Variants in PPP1R2 observed in about 807,000 individuals in gnomAD.
The protein encoded by PPP1R2 is protein phosphatase inhibitor 2.
In PPP1R2, 16 loss-of-function variants were observed where a neutral mutation model predicts 29.9. The observed-to-expected ratio is 0.53, with a 90% CI of 0.36 to 0.81. PPP1R2 has a LOEUF of 0.81. PPP1R2 is among the 30% of genes least tolerant of loss of function. PPP1R2 has a pLI of 0.00. For synonymous variants in PPP1R2, 76 were observed against 91.5 expected, an observed-to-expected ratio of 0.83 and a Z score of 0.96; for missense variants, 197 against 252.7, an observed-to-expected ratio of 0.78 and a Z score of 1.49.
chr3:195,527,485 C>G (rs1719016203), intron 2 of PPP1R2, among the ~76,000 whole-genome samples: 1 of 151,840 alleles, frequency 6.6e-6, no homozygotes, highest in African/African-American at 2.4e-5. Context: ...AAACAGCATT[C>G]TTTGGGAGGC....
At chr3:195,525,995 TTATA>T (rs1170901874) in intron 2 of PPP1R2, among the ~76,000 whole-genome samples, 1 of 152,208 alleles carries the variant, frequency 6.6e-6, no homozygotes, top group Admixed American at 6.5e-5. Flanking sequence ...TGAATTATGT[TTATA>T]TATGTACATG....
At chr3:195,540,006 G>A (rs1389947706) in intron 1 of PPP1R2, among the ~76,000 whole-genome samples, 1 of 152,154 alleles carries the variant, frequency 6.6e-6, no homozygotes, top group Admixed American at 6.5e-5. Context: ...CTCACAACTG[G>A]GGGATGGGTA....
intron 2 of PPP1R2, chr3:195,528,866 TC>T: frequency 6.5e-6 from 1 of 152,692 alleles, no homozygotes; most frequent in Non-Finnish European, 1.4e-5. Flanking sequence ...CAAGGTATTA[TC>T]TTTTTTTTTT....
intron 1 of PPP1R2, among the ~76,000 whole-genome samples, chr3:195,538,158 AC>A (rs1356192198): frequency 6.6e-6 from 1 of 152,094 alleles, no homozygotes; most frequent in East Asian, 1.9e-4. Flanking sequence ...GTTTTCCCCC[AC>A]CCTCTTGGGT....
intron 4 of PPP1R2, among the ~76,000 whole-genome samples, chr3:195,520,649 T>C (rs935363664): frequency 6.6e-6 from 1 of 152,086 alleles, no homozygotes; most frequent in African/African-American, 2.4e-5. Flanking sequence ...AGCAGAGACA[T>C]CTCTCAATAA....
chr3:195,530,514 CTAAGTACTTTAT>C (rs1251370248), intron 1 of PPP1R2, among the ~76,000 whole-genome samples: 1 of 152,110 alleles, frequency 6.6e-6, no homozygotes, highest in Non-Finnish European at 1.5e-5. Context: ...GACGTTCTCT[CTAAGTACTTTAT>C]TATTTTTGTT....
chr3:195,543,222 G>T lies in PPP1R2; in HGVS notation c.-197C>A. 2 of 688,952 alleles carry T rather than the reference G, an allele frequency of 2.9e-6. No individual in the cohort carries two copies. Among genetic ancestry groups the T allele is most frequent in the Non-Finnish European group, 2.2e-6 (1 of 445,822 alleles). 42.7% of individuals were successfully genotyped at this position (688,952 alleles called of 1,614,324 possible). A position where few individuals can be genotyped will look rare whatever the true frequency, so the allele number is the denominator to read the frequency against. On this transcript the variant is annotated 5_prime_UTR_variant, in exon 1 of 6. Transcript: ENST00000618156. ...CCCGACGCCAGAGCCAACGCCGAACGGGTGGCGGCTACTCGCGCACCCTTA... is the reference window on the plus strand; with the variant it reads ...CCCGACGCCAGAGCCAACGCCGAACTGGTGGCGGCTACTCGCGCACCCTTA...
chr3:195,537,031 T>G (rs1033502968), intron 1 of PPP1R2, among the ~76,000 whole-genome samples: 5 of 152,000 alleles, frequency 3.3e-5, no homozygotes, highest in Non-Finnish European at 5.9e-5. Context: ...CCCAGCACCC[T>G]AAGCCATTCA....
At chr3:195,527,506 T>C (rs1719016867) in intron 2 of PPP1R2, among the ~76,000 whole-genome samples, 2 of 151,900 alleles carry the variant, frequency 1.3e-5, no homozygotes, top group African/African-American at 2.4e-5. Flanking sequence ...TAAGCGATCC[T>C]CCTGCTTCAG....
intron 2 of PPP1R2, among the ~76,000 whole-genome samples, chr3:195,528,261 T>TA (rs547797651): frequency 1.7e-4 from 26 of 152,320 alleles, no homozygotes; most frequent in Non-Finnish European, 3.5e-4. Context: ...TTACTTCACT[T>TA]AGAGTAATGG....
intron 1 of PPP1R2, among the ~76,000 whole-genome samples, chr3:195,540,909 T>C (rs74346419): frequency 0.017 from 2,606 of 152,294 alleles, 65 homozygotes; most frequent in African/African-American, 0.058. Flanking sequence ...TAAGACTATA[T>C]TGTATTACTA....
At chr3:195,522,246 G>A (rs1421865775) in intron 4 of PPP1R2, among the ~76,000 whole-genome samples, 1 of 152,158 alleles carries the variant, frequency 6.6e-6, no homozygotes. Flanking sequence ...TGGCATACCT[G>A]GAGCACAAAC....
At position 195,529,909 on chromosome 3, in the gene PPP1R2, TA is replaced by T. The variant is rs768227218; in HGVS notation, c.123-9del. 3.1e-6 allele frequency: 5 copies of T among 1,590,558 alleles called. No individual in the cohort carries two copies. The highest frequency in any genetic ancestry group is 3.4e-6 in the Non-Finnish European group (4 of 1,169,260). On this transcript the variant is annotated splice_polypyrimidine_tract_variant and intron_variant, in intron 1 of 5. Coordinates refer to ENST00000618156, the MANE Select transcript of PPP1R2 (RefSeq NM_006241.8). ...CACTTCTGGGATTTTTTGCTAAAATTAAAAAGAAAAAACGTTTTTCCCAATG... is the reference window on the plus strand; with the variant it reads ...CACTTCTGGGATTTTTTGCTAAAATTAAAAGAAAAAACGTTTTTCCCAATG...
At chr3:195,538,316 G>A (rs1242245933) in intron 1 of PPP1R2, among the ~76,000 whole-genome samples, 2 of 152,206 alleles carry the variant, frequency 1.3e-5, no homozygotes, top group Non-Finnish European at 2.9e-5. Flanking sequence ...TTGTGACTGT[G>A]TCTGGAATGG....
At chr3:195,524,672 GAAA>G in intron 3 of PPP1R2, 144 bp downstream of exon 3, 1 of 692,978 alleles carries the variant, frequency 1.4e-6, no homozygotes, top group South Asian at 2.1e-5. Context: ...AAAAAAGGGG[GAAA>G]AAAGGAAAAA....
rs1718642127 is a variant in PPP1R2, at chr3:195,518,653, A to C, written c.571+365T>G. ...GTGACAGAGCGAGACTCTGTCTCAA[A>C]AAAAAAAAAAAAGTTTCATTTAAAA... On this transcript the variant is annotated intron_variant, in intron 5 of 5. Coordinates refer to ENST00000618156, the MANE Select transcript of PPP1R2 (RefSeq NM_006241.8). Among the ~76,000 whole-genome samples the C allele has an allele frequency of 1.3e-5, 2 of 149,314 alleles. 1 individual carries two copies.
intron 1 of PPP1R2, among the ~76,000 whole-genome samples, chr3:195,532,234 T>TA (rs1553886666): frequency 1.3e-5 from 2 of 149,562 alleles, no homozygotes; most frequent in South Asian, 2.1e-4. Context: ...TTTTTTTTTT[T>TA]ACAGGTGGAG....
At chr3:195,533,177 T>C (rs2108950157) in intron 1 of PPP1R2, among the ~76,000 whole-genome samples, 1 of 152,080 alleles carries the variant, frequency 6.6e-6, no homozygotes, top group East Asian at 1.9e-4. Flanking sequence ...TGAAACCCCG[T>C]CTCTACCAAA....
intron 1 of PPP1R2, among the ~76,000 whole-genome samples, chr3:195,531,586 C>T (rs1334757145): frequency 6.6e-6 from 1 of 152,218 alleles, no homozygotes; most frequent in Non-Finnish European, 1.5e-5. Context: ...ACAGTGTCCC[C>T]ATTTCGGACT....
Sources: gnomAD v4.1 joint callset for allele counts (sites outside exome capture counted in the v4.1 genomes callset) on GRCh38, gnomAD v4.1.1 for gene constraint, MANE v1.5 for transcripts, NCBI Gene and HGNC (gene_info 2026-07-23, HGNC 2026-07-21) for gene names.